PIK3C2G: variants seen among roughly 807,000 people sequenced by gnomAD.
PIK3C2G encodes the protein phosphatidylinositol 3-kinase C2 domain-containing subunit gamma.
Under a neutral mutation model 181.1 loss-of-function variants are expected in PIK3C2G, and 168 were observed. That is an observed-to-expected ratio of 0.93 (90% CI 0.82 to 1.05). PIK3C2G has a LOEUF of 1.05. PIK3C2G is among the 50% of genes least tolerant of loss of function. PIK3C2G has a pLI of 0.00. For missense variants in PIK3C2G, 1,869 were observed against 1,732.8 expected (o/e 1.08, Z -1.40); for synonymous variants, 573 against 592.2 (o/e 0.97, Z 0.47).
chr12:18,392,405 T>C (rs766735948), intron 15 of PIK3C2G, among the ~76,000 whole-genome samples: 36 of 152,092 alleles, frequency 2.4e-4, no homozygotes, highest in Non-Finnish European at 4.3e-4. Context: ...TCAATATTTA[T>C]TACTGTTTTT....
intron 24 of PIK3C2G, among the ~76,000 whole-genome samples, chr12:18,510,586 T>C (rs1942141348): frequency 1.3e-5 from 2 of 152,218 alleles, no homozygotes; most frequent in Non-Finnish European, 2.9e-5. Context: ...GCTTTGCTGA[T>C]GCTAGCCTTG....
At chr12:18,278,388 C>CTT (rs1949073872) in intron 1 of PIK3C2G, among the ~76,000 whole-genome samples, 1 of 152,150 alleles carries the variant, frequency 6.6e-6, no homozygotes, top group Non-Finnish European at 1.5e-5. Context: ...ATCTCTTCTG[C>CTT]CTCCTTCTCC....
chr12:18,320,472 T>C (rs1951059442), intron 6 of PIK3C2G, among the ~76,000 whole-genome samples: 1 of 152,256 alleles, frequency 6.6e-6, no homozygotes, highest in Non-Finnish European at 1.5e-5. Context: ...ATTAGCATAA[T>C]TTAGTGCTCA....
intron 19 of PIK3C2G, among the ~76,000 whole-genome samples, chr12:18,490,681 T>C (rs929120241): frequency 1.3e-5 from 2 of 152,198 alleles, no homozygotes; most frequent in African/African-American, 4.8e-5. Context: ...GACCTCCAGT[T>C]CCATCCATGT....
intron 31 of PIK3C2G, among the ~76,000 whole-genome samples, chr12:18,630,960 G>C (rs1949326678): frequency 6.6e-6 from 1 of 151,896 alleles, no homozygotes; most frequent in South Asian, 2.1e-4. Context: ...TTAAGTCTTT[G>C]TGAAGGTCTA....
chr12:18,641,011 T>C (rs1375023567), intron 32 of PIK3C2G, among the ~76,000 whole-genome samples: 1 of 152,206 alleles, frequency 6.6e-6, no homozygotes, highest in Non-Finnish European at 1.5e-5. Context: ...CTCTAATTTA[T>C]TTGTAATGTG....
intron 5 of PIK3C2G, among the ~76,000 whole-genome samples, chr12:18,305,478 T>C (rs1289280521): frequency 6.6e-6 from 1 of 152,162 alleles, no homozygotes; most frequent in Non-Finnish European, 1.5e-5. Flanking sequence ...TTATTGTAGA[T>C]GTATAATACC....
At chr12:18,494,231 G>C (rs770510020) in intron 20 of PIK3C2G, among the ~76,000 whole-genome samples, 1 of 151,798 alleles carries the variant, frequency 6.6e-6, no homozygotes, top group Non-Finnish European at 1.5e-5. Context: ...CTTATCATTT[G>C]CCTCTTTCTA....
intron 18 of PIK3C2G, among the ~76,000 whole-genome samples, chr12:18,434,259 T>C (rs948342495): frequency 7.9e-5 from 12 of 152,164 alleles, no homozygotes; most frequent in African/African-American, 2.9e-4. Context: ...CATGAGTGAA[T>C]AGATCCTGAA....
chr12:18,581,900 A>G (rs1040717985), intron 29 of PIK3C2G, among the ~76,000 whole-genome samples: 1 of 152,116 alleles, frequency 6.6e-6, no homozygotes, highest in Non-Finnish European at 1.5e-5. Context: ...ATACAGGAGA[A>G]TCAACAAAGG....
At chr12:18,516,038 TTGTC>T (rs1392992133) in intron 24 of PIK3C2G, among the ~76,000 whole-genome samples, 6 of 152,214 alleles carry the variant, frequency 3.9e-5, no homozygotes, top group East Asian at 3.9e-4. Context: ...TATTCTGACT[TTGTC>T]TGTGTACTCA....
intron 8 of PIK3C2G, 78 bp from the exon 9 acceptor site, chr12:18,338,348 A>G: frequency 8.7e-7 from 1 of 1,143,604 alleles, no homozygotes; most frequent in Non-Finnish European, 1.2e-6. Context: ...CTCATGGAAA[A>G]AGAAGAAGTT....
the PIK3C2G span, among the ~76,000 whole-genome samples, chr12:18,665,374 T>C: frequency 1.3e-5 from 2 of 151,980 alleles, no homozygotes; most frequent in Non-Finnish European, 2.9e-5. Flanking sequence ...ATGGCTAAAA[T>C]AGTATGTTTT....
intron 8 of PIK3C2G, among the ~76,000 whole-genome samples, chr12:18,336,071 A>G (rs972813968): frequency 1.2e-4 from 18 of 152,278 alleles, no homozygotes; most frequent in Non-Finnish European, 2.4e-4. Flanking sequence ...TTTTTATTCT[A>G]TTAGTTATCT....
chr12:18,312,700 G>C (rs1332119479), intron 5 of PIK3C2G, among the ~76,000 whole-genome samples: 1 of 152,094 alleles, frequency 6.6e-6, no homozygotes, highest in Non-Finnish European at 1.5e-5. Context: ...CCAGGGACAA[G>C]AATCTAGATT....
chr12:18,672,458 T>C, the PIK3C2G span, among the ~76,000 whole-genome samples: 1 of 152,132 alleles, frequency 6.6e-6, no homozygotes, highest in East Asian at 1.9e-4. Flanking sequence ...TCAAATGACT[T>C]GAAAAAAAAC....
chr12:18,338,300 G>T, intron 8 of PIK3C2G, 126 bp from the exon 9 acceptor site: 1 of 715,782 alleles, frequency 1.4e-6, no homozygotes. Flanking sequence ...CTTTCTTTTT[G>T]TGTGAAAGCA....
chr12:18,292,227 A>ATATATATATATATATAT (rs1555149103), intron 4 of PIK3C2G, among the ~76,000 whole-genome samples: 12 of 48,706 alleles, frequency 2.5e-4, no homozygotes, highest in East Asian at 6.8e-4. Flanking sequence ...AAAAAAAAAA[A>ATATATATATATATATAT]ATATATATAT....
chr12:18,645,573 C>G (rs1388971421), intron 32 of PIK3C2G, among the ~76,000 whole-genome samples: 3 of 152,104 alleles, frequency 2.0e-5, no homozygotes, highest in African/African-American at 4.8e-5. Context: ...AGGGTTTTCT[C>G]CAGTCAATTG....
Sources: allele counts gnomAD v4.1 joint callset (sites outside exome capture counted in the v4.1 genomes callset), GRCh38; gene constraint gnomAD v4.1.1; transcripts MANE v1.5; gene names NCBI Gene and HGNC (gene_info 2026-07-23, HGNC 2026-07-21).